The following SLC4A7 variants were observed in gnomAD, a reference collection of about 807,000 sequenced individuals.
SLC4A7 encodes the protein sodium bicarbonate cotransporter 3.
SLC4A7 carries 51 observed loss-of-function variants against 137.6 expected under a neutral mutation model. The observed-to-expected ratio is 0.37, with a 90% CI of 0.30 to 0.47. The LOEUF is 0.47. Among genes scored for constraint, SLC4A7 ranks in the 20% least tolerant of loss-of-function variants. The pLI is 1.00. For missense variants in SLC4A7, 1,247 were observed against 1,525.4 expected (o/e 0.82, Z 3.04); for synonymous variants, 542 against 518.6 (o/e 1.05, Z -0.61).
chr3:27,440,455 T>C (rs1559773883), intron 3 of SLC4A7, among the ~76,000 whole-genome samples: 1 of 152,156 alleles, frequency 6.6e-6, no homozygotes, highest in Non-Finnish European at 1.5e-5. Context: ...CAGCCAGGTG[T>C]GGTGACTCAC....
intron 2 of SLC4A7, among the ~76,000 whole-genome samples, chr3:27,450,911 G>T (rs1208974659): frequency 2.0e-5 from 3 of 151,920 alleles, no homozygotes; most frequent in Admixed American, 2.0e-4. Flanking sequence ...CAGAGCTTAG[G>T]GCCTGTGATA....
At chr3:27,402,421 C>T (rs1166651124) in intron 15 of SLC4A7, among the ~76,000 whole-genome samples, 3 of 152,042 alleles carry the variant, frequency 2.0e-5, no homozygotes, top group South Asian at 2.1e-4. Context: ...AAGCTTCAGC[C>T]GGGCACAGTG....
At chr3:27,400,418 A>G (rs2052629400) in intron 16 of SLC4A7, among the ~76,000 whole-genome samples, 1 of 152,198 alleles carries the variant, frequency 6.6e-6, no homozygotes, top group Non-Finnish European at 1.5e-5. Context: ...AAAATATTGT[A>G]AAGGACAGTA....
chr3:27,448,231 AAAAG>A (rs756593854), intron 3 of SLC4A7, among the ~76,000 whole-genome samples: 1 of 151,502 alleles, frequency 6.6e-6, no homozygotes, highest in Non-Finnish European at 1.5e-5. Flanking sequence ...AAAAAAAAAA[AAAAG>A]AAGAAGGAAA....
intron 9 of SLC4A7, 117 bp downstream of exon 9, chr3:27,421,505 A>G (rs1279667718): frequency 9.5e-6 from 8 of 845,634 alleles, no homozygotes; most frequent in Non-Finnish European, 1.4e-5. Context: ...AAAATAAGAT[A>G]AAATTAAATA....
Position 27,484,307 on chromosome 3 carries a change from G to C in SLC4A7, c.-181C>G. The C allele has an allele frequency of 7.9e-6, 3 of 378,402 alleles. No homozygotes were observed. 23.4% of individuals were successfully genotyped at this position (378,402 alleles called of 1,614,324 possible). On this transcript the variant is annotated 5_prime_UTR_variant, in exon 1 of 26. Coordinates refer to ENST00000454389, the MANE Select transcript of SLC4A7 (RefSeq NM_001321103.2). ...GCGCCGGGCGCGGGAGACGCGGGGC[G>C]TGCGTGTGCGCGCTGCGACTGCTGG...
intron 1 of SLC4A7, among the ~76,000 whole-genome samples, chr3:27,475,091 C>T (rs988176369): frequency 6.6e-5 from 10 of 151,856 alleles, no homozygotes; most frequent in Non-Finnish European, 1.3e-4. Context: ...GGTGACAGAG[C>T]GAGATTGCGT....
At chr3:27,452,926 T>C (rs1414404432) in intron 1 of SLC4A7, among the ~76,000 whole-genome samples, 1 of 152,186 alleles carries the variant, frequency 6.6e-6, no homozygotes, top group Non-Finnish European at 1.5e-5. Context: ...TGAATTATGG[T>C]CAAACATAAA....
At chr3:27,420,969 A>G (rs7617308) in intron 9 of SLC4A7, among the ~76,000 whole-genome samples, 182 bp from the exon 10 acceptor site, 8,522 of 151,986 alleles carry the variant, frequency 0.056, 796 homozygotes, top group African/African-American at 0.19. Context: ...GAAATCAGAA[A>G]ACTAGGAAAA....
intron 24 of SLC4A7, 45 bp from the exon 25 acceptor site, chr3:27,379,401 A>G (rs1469465421): frequency 4.2e-6 from 4 of 943,036 alleles, no homozygotes; most frequent in Non-Finnish European, 4.9e-6. Context: ...GTACTTGCAA[A>G]AGCATTAATA....
At chr3:27,456,278 G>A (rs148617419) in intron 1 of SLC4A7, among the ~76,000 whole-genome samples, 35 of 152,182 alleles carry the variant, frequency 2.3e-4, no homozygotes, top group African/African-American at 7.0e-4. Context: ...CTAAAGTAAT[G>A]CCTCCCATAA....
At chr3:27,436,846 T>C (rs1231757171) in intron 4 of SLC4A7, among the ~76,000 whole-genome samples, 1 of 152,126 alleles carries the variant, frequency 6.6e-6, no homozygotes, top group Non-Finnish European at 1.5e-5. Context: ...CACAAAATTG[T>C]AGACATTAAA....
chr3:27,414,628 T>A (rs2054215555), intron 11 of SLC4A7, among the ~76,000 whole-genome samples: 1 of 152,192 alleles, frequency 6.6e-6, no homozygotes, highest in South Asian at 2.1e-4. Flanking sequence ...GCAAAAGAAG[T>A]CAAAAGCAAT....
At chr3:27,409,280 A>T (rs958559051) in intron 13 of SLC4A7, 76 bp downstream of exon 13, 57 of 1,142,960 alleles carry the variant, frequency 5.0e-5, no homozygotes, top group Non-Finnish European at 7.1e-5. Flanking sequence ...TAAAAGTATG[A>T]ATAGTGAGAC....
rs2150413662 is a variant in SLC4A7 at position 27,438,014 on chromosome 3, T to A, written c.290-488A>T. On this transcript the variant is annotated intron_variant, in intron 3 of 25. Coordinates refer to ENST00000454389, the MANE Select transcript of SLC4A7 (RefSeq NM_001321103.2). ...GAGCTCGAGACCAGCCTAGCCAACA[T>A]GGTGAAACCCCGTCTCTACTAAAAA... is the stretch of plus-strand genomic sequence containing the variant. 1.3e-5 allele frequency among the ~76,000 whole-genome samples: 2 copies of A among 152,168 alleles called. 1 individual carries two copies. Among genetic ancestry groups the A allele is most frequent in the South Asian group, 4.2e-4 (2 of 4,814 alleles).
chr3:27,377,691 C>G (rs1459883774), intron 25 of SLC4A7, among the ~76,000 whole-genome samples: 1 of 152,214 alleles, frequency 6.6e-6, no homozygotes, highest in East Asian at 1.9e-4. Flanking sequence ...CTGCACCCGG[C>G]CAACCTATTC....
intron 18 of SLC4A7, among the ~76,000 whole-genome samples, chr3:27,396,599 T>C (rs1040033444): frequency 3.3e-5 from 5 of 152,078 alleles, no homozygotes; most frequent in East Asian, 3.8e-4. Context: ...AGACCACTGA[T>C]TTTAAAAATA....
chr3:27,470,209 G>C (rs985654780), intron 1 of SLC4A7, among the ~76,000 whole-genome samples: 1 of 151,602 alleles, frequency 6.6e-6, no homozygotes, highest in Non-Finnish European at 1.5e-5. Context: ...AAACAGTCTT[G>C]CTAGCTAATT....
chr3:27,446,896 T>TTTTTTTTTG (rs2057698749), intron 3 of SLC4A7, among the ~76,000 whole-genome samples: 2 of 106,238 alleles, frequency 1.9e-5, no homozygotes, highest in Non-Finnish European at 3.9e-5. Context: ...TTTTTTTTGT[T>TTTTTTTTTG]TTTTTTAAAC....
Sources: allele counts gnomAD v4.1 joint callset (sites outside exome capture counted in the v4.1 genomes callset), GRCh38; gene constraint gnomAD v4.1.1; transcripts MANE v1.5; gene names NCBI Gene and HGNC (gene_info 2026-07-23, HGNC 2026-07-21).